The following DMC1 variants were observed in gnomAD, a reference collection of about 807,000 sequenced individuals.
DMC1 encodes meiotic recombination protein DMC1 homolog.
A neutral mutation model predicts 50.1 loss-of-function variants in DMC1; 27 were observed. The ratio of observed to expected loss-of-function variants is 0.54; its 90% CI spans 0.40 to 0.74. DMC1 has a LOEUF of 0.74. Ranked by LOEUF, DMC1 falls within the 30% of genes least tolerant of loss-of-function variation. The pLI is 0.00. For synonymous variants in DMC1, 148 were observed against 136.1 expected (o/e 1.09, Z -0.61); for missense variants, 295 against 420.2 (o/e 0.70, Z 2.60).
intron 5 of DMC1, among the ~76,000 whole-genome samples, chr22:38,559,749 G>A (rs774167217): frequency 2.0e-5 from 3 of 152,112 alleles, no homozygotes; most frequent in East Asian, 1.9e-4. Flanking sequence ...GCCAGGCGCC[G>A]GTAGCTCACA....
chr22:38,546,520 G>C (rs1460054607), intron 8 of DMC1, among the ~76,000 whole-genome samples: 1 of 152,092 alleles, frequency 6.6e-6, no homozygotes, highest in Non-Finnish European at 1.5e-5. Context: ...GAGCACCCTT[G>C]TTAAAGCCCT....
chr22:38,530,024 C>T (rs922868172), intron 12 of DMC1, among the ~76,000 whole-genome samples: 2 of 152,046 alleles, frequency 1.3e-5, no homozygotes, highest in African/African-American at 4.8e-5. Context: ...GGAGTGCAGT[C>T]ACATGATCTC....
At chr22:38,567,513 A>G in intron 3 of DMC1, 70 bp downstream of exon 3, 1 of 1,300,480 alleles carries the variant, frequency 7.7e-7, no homozygotes, top group Non-Finnish European at 1.1e-6. Context: ...TCCAGGCCCA[A>G]ATGTCCATAA....
rs757244497 is a variant in DMC1, at chr22:38,568,258, T to C, written c.-2A>G. The C allele has an allele frequency of 2.5e-6, 4 of 1,614,100 alleles. No individual in the cohort carries two copies. Among genetic ancestry groups the C allele is most frequent in the Non-Finnish European group, 3.4e-6 (4 of 1,179,954 alleles). ...CGCCACAACTTGATCCTCCTTCATATTGAAAAGTGGGCAACAGAAAAATAA... is the reference window on the plus strand; with the variant it reads ...CGCCACAACTTGATCCTCCTTCATACTGAAAAGTGGGCAACAGAAAAATAA... On this transcript the variant is annotated 5_prime_UTR_variant, in exon 2 of 14. Coordinates refer to ENST00000216024, the MANE Select transcript of DMC1 (RefSeq NM_007068.4).
At chr22:38,552,900 T>G (rs1047579410) in intron 6 of DMC1, among the ~76,000 whole-genome samples, 193 bp from the exon 7 acceptor site, 2 of 151,738 alleles carry the variant, frequency 1.3e-5, no homozygotes. Flanking sequence ...CAGGCTGGAG[T>G]GCAGTGGCAC....
intron 7 of DMC1, among the ~76,000 whole-genome samples, chr22:38,550,354 G>A (rs1349470645): frequency 4.4e-5 from 6 of 136,410 alleles, no homozygotes; most frequent in Middle Eastern, 4.2e-3. Context: ...TAGCTCTGTC[G>A]TCAGGTTGGA....
chr22:38,547,536 ATTTGTT>A (rs370601078), intron 8 of DMC1, among the ~76,000 whole-genome samples: 295 of 147,900 alleles, frequency 2.0e-3, no homozygotes, highest in Middle Eastern at 0.015. Context: ...TTTTCTTCCT[ATTTGTT>A]TTTGTTTTTT....
intron 6 of DMC1, among the ~76,000 whole-genome samples, chr22:38,555,112 T>C (rs545375978): frequency 4.2e-4 from 64 of 152,046 alleles, no homozygotes; most frequent in Middle Eastern, 3.4e-3. Flanking sequence ...AAAAATCTAT[T>C]ATCTTCTATA....
At chr22:38,566,444 G>T in intron 4 of DMC1, 146 bp downstream of exon 4, 1 of 843,634 alleles carries the variant, frequency 1.2e-6, no homozygotes, top group Non-Finnish European at 1.9e-6. Flanking sequence ...TGAAACTGAA[G>T]TGATAAAAAG....
Position 38,565,696 on chromosome 22 carries a change from C to G in DMC1, c.243+894G>C, listed in dbSNP as rs1225995286. ...AAGCCAAGAACCCTCCCAGGTTAAG[C>G]CTCAATTTGGGGGCTCACCTGCCCT... On this transcript the variant is annotated intron_variant, in intron 4 of 13. Transcript: ENST00000216024. Among the ~76,000 whole-genome samples, 3 of 152,196 alleles carry G rather than the reference C, an allele frequency of 2.0e-5. No individual in the cohort carries two copies. The East Asian group carries it at 5.8e-4, about 29-fold the overall frequency.
At chr22:38,564,296 T>C (rs1252954848) in intron 4 of DMC1, among the ~76,000 whole-genome samples, 1 of 152,146 alleles carries the variant, frequency 6.6e-6, no homozygotes, top group African/African-American at 2.4e-5. Context: ...CATAGTGAGA[T>C]ACCCTTCTCT....
intron 3 of DMC1, among the ~76,000 whole-genome samples, chr22:38,567,114 A>C (rs906766870): frequency 2.0e-5 from 3 of 150,814 alleles, no homozygotes; most frequent in Non-Finnish European, 4.4e-5. Context: ...ATTTGTAAAG[A>C]TTTTTTTTTT....
chr22:38,566,092 T>A (rs1375102454), intron 4 of DMC1, among the ~76,000 whole-genome samples: 1 of 152,122 alleles, frequency 6.6e-6, no homozygotes, highest in Non-Finnish European at 1.5e-5. Context: ...TTGGCCAACA[T>A]GGTGAAACCT....
rs80297342 is a variant in DMC1 at position 38,525,681 on chromosome 22, C to T, written c.837-3957G>A. On this transcript the variant is annotated intron_variant, in intron 12 of 13. Transcript: ENST00000216024. ...TGAGGCTGGGCAGAGTGGCTCACACCTGTAATCCCAGCCCTTTGGGAGGCT... is the reference window on the plus strand; with the variant it reads ...TGAGGCTGGGCAGAGTGGCTCACACTTGTAATCCCAGCCCTTTGGGAGGCT... Among the ~76,000 whole-genome samples the T allele has an allele frequency of 6.2e-4, 95 of 152,270 alleles. No homozygotes were observed. The East Asian group carries it at 0.016, about 25-fold the overall frequency.
chr22:38,556,969 G>A (rs540658270), intron 5 of DMC1, among the ~76,000 whole-genome samples: 104 of 152,278 alleles, frequency 6.8e-4, no homozygotes, highest in African/African-American at 2.5e-3. Flanking sequence ...TGGGCTAAGC[G>A]ATCAACCCAT....
chr22:38,513,484 C>T, the DMC1 span, among the ~76,000 whole-genome samples: 2 of 152,226 alleles, frequency 1.3e-5, no homozygotes, highest in Non-Finnish European at 2.9e-5. Flanking sequence ...TCCTGACTAG[C>T]CACACTTGGT....
chr22:38,562,840 C>CAT (rs201497933), intron 4 of DMC1, among the ~76,000 whole-genome samples: 3,764 of 151,864 alleles, frequency 0.025, 156 homozygotes, highest in African/African-American at 0.087. Flanking sequence ...TACATATACA[C>CAT]ATATATATAC....
chr22:38,547,916 C>G (rs192630890), intron 8 of DMC1, among the ~76,000 whole-genome samples: 241 of 152,290 alleles, frequency 1.6e-3, no homozygotes, highest in African/African-American at 5.5e-3. Context: ...TCACCTCACC[C>G]TATGGCAAAT....
chr22:38,559,674 G>A (rs955211614), intron 5 of DMC1, among the ~76,000 whole-genome samples: 1 of 151,924 alleles, frequency 6.6e-6, no homozygotes, highest in African/African-American at 2.4e-5. Flanking sequence ...GAACAAAAGA[G>A]ACAGAATTTT....
Sources: gnomAD v4.1 joint callset for allele counts (sites outside exome capture counted in the v4.1 genomes callset) on GRCh38, gnomAD v4.1.1 for gene constraint, MANE v1.5 for transcripts, NCBI Gene and HGNC (gene_info 2026-07-23, HGNC 2026-07-21) for gene names.